MINDY2: variants seen among roughly 807,000 people sequenced by gnomAD.
MINDY2 encodes the protein ubiquitin carboxyl-terminal hydrolase MINDY-2.
Under a neutral mutation model 68.2 loss-of-function variants are expected in MINDY2, and 52 were observed. The ratio of observed to expected loss-of-function variants is 0.76; its 90% CI spans 0.61 to 0.96. The LOEUF (loss-of-function observed/expected upper bound fraction) is 0.96, where lower values mean the gene tolerates loss of function less well. MINDY2 is among the 40% of genes least tolerant of loss of function. The pLI is 0.00. For missense variants in MINDY2, 881 were observed against 773.4 expected (o/e 1.14, Z -1.65); for synonymous variants, 372 against 303.0 (o/e 1.23, Z -2.36).
At chr15:58,834,064 T>C (rs1278581723) in intron 6 of MINDY2, among the ~76,000 whole-genome samples, 1 of 152,180 alleles carries the variant, frequency 6.6e-6, no homozygotes, top group Non-Finnish European at 1.5e-5. Flanking sequence ...TTAACTAGCA[T>C]GCTGCCTTCA....
intron 4 of MINDY2, among the ~76,000 whole-genome samples, chr15:58,812,195 T>C (rs1567056653): frequency 6.6e-6 from 1 of 152,108 alleles, no homozygotes; most frequent in Non-Finnish European, 1.5e-5. Context: ...CCCAGTACTT[T>C]GGGAGGCCGA....
chr15:58,772,474 G>T (rs1345925013), intron 1 of MINDY2, among the ~76,000 whole-genome samples: 2 of 152,020 alleles, frequency 1.3e-5, no homozygotes, highest in African/African-American at 2.4e-5. Context: ...ATTCAATTGT[G>T]GTTGATACAC....
intron 6 of MINDY2, among the ~76,000 whole-genome samples, chr15:58,838,281 C>T (rs1428250274): frequency 1.3e-5 from 2 of 151,918 alleles, no homozygotes; most frequent in Admixed American, 1.3e-4. Flanking sequence ...GCCCGTAATG[C>T]CAGCTACTCA....
At chr15:58,844,359 A>T (rs986901704) in intron 6 of MINDY2, among the ~76,000 whole-genome samples, 4 of 151,080 alleles carry the variant, frequency 2.6e-5, no homozygotes, top group Non-Finnish European at 5.9e-5. Flanking sequence ...CATCCTGGCT[A>T]ACACGGTGAA....
At chr15:58,819,374 G>C (rs1437827061) in intron 4 of MINDY2, among the ~76,000 whole-genome samples, 1 of 152,136 alleles carries the variant, frequency 6.6e-6, no homozygotes, top group Non-Finnish European at 1.5e-5. Flanking sequence ...CTTGAGCCTG[G>C]GAGGTCGAGG....
intron 6 of MINDY2, 110 bp downstream of exon 6, chr15:58,832,026 A>G: frequency 1.0e-6 from 1 of 975,640 alleles, no homozygotes; most frequent in African/African-American, 1.7e-5. Context: ...ATATTTCTTA[A>G]CCATCAAATT....
At chr15:58,825,598 T>G (rs1262936198) in intron 5 of MINDY2, among the ~76,000 whole-genome samples, 5 of 145,740 alleles carry the variant, frequency 3.4e-5, no homozygotes, top group African/African-American at 9.8e-5. Flanking sequence ...TGTGTGGTGT[T>G]TGTTTGTTTG....
chr15:58,841,557 C>A (rs1459961396), intron 6 of MINDY2, among the ~76,000 whole-genome samples: 1 of 151,906 alleles, frequency 6.6e-6, no homozygotes, highest in Non-Finnish European at 1.5e-5. Context: ...AGGTGCATAC[C>A]ACCATGCTTG....
chr15:58,787,861 C>T (rs968349214), intron 1 of MINDY2, 45 bp from the exon 2 acceptor site: 6 of 1,316,550 alleles, frequency 4.6e-6, no homozygotes, highest in Non-Finnish European at 6.4e-6. Flanking sequence ...ATACTTTAGT[C>T]ACCTAAAACA....
At chr15:58,829,700 C>G (rs1218166026) in intron 5 of MINDY2, among the ~76,000 whole-genome samples, 2 of 152,176 alleles carry the variant, frequency 1.3e-5, no homozygotes, top group East Asian at 3.9e-4. Flanking sequence ...CTTTTCAGCA[C>G]AGGCATACCC....
At chr15:58,791,712 A>C (rs1292454959) in intron 2 of MINDY2, among the ~76,000 whole-genome samples, 3 of 150,592 alleles carry the variant, frequency 2.0e-5, no homozygotes, top group Admixed American at 6.7e-5. Context: ...ATTTTATATA[A>C]TATAAATTAA....
At chr15:58,807,516 T>C (rs1432368649) in intron 3 of MINDY2, among the ~76,000 whole-genome samples, 3 of 151,964 alleles carry the variant, frequency 2.0e-5, no homozygotes, top group African/African-American at 7.2e-5. Flanking sequence ...CCCGCCATCA[T>C]GCCTGGCTAA....
In MINDY2 at chr15:58,809,939, C is replaced by T. The variant is rs142154092; in HGVS notation, c.964-291C>T. Among the ~76,000 whole-genome samples the T allele has an allele frequency of 5.2e-4, 79 of 152,108 alleles. 1 individual carries two copies. Among genetic ancestry groups the T allele is most frequent in the Middle Eastern group, 3.4e-3 (1 of 294 alleles). ...GGACTACAGGCGCATGCCACCATGC[C>T]CAGCTAATTTTTGTATTTTCAGAGA... On this transcript the variant is annotated intron_variant, in intron 3 of 8. Coordinates refer to ENST00000559228, the MANE Select transcript of MINDY2 (RefSeq NM_001040450.3).
chr15:58,847,215 G>A, intron 6 of MINDY2, 82 bp from the exon 7 acceptor site: 1 of 1,096,638 alleles, frequency 9.1e-7, no homozygotes, highest in East Asian at 2.5e-5. Flanking sequence ...TGAAGATACA[G>A]ATTGTAAAAC....
At chr15:58,849,245 A>G (rs1317708356) in intron 7 of MINDY2, among the ~76,000 whole-genome samples, 1 of 150,014 alleles carries the variant, frequency 6.7e-6, no homozygotes, top group Non-Finnish European at 1.5e-5. Context: ...GCTCACACCT[A>G]TAGTCGCAGC....
rs1299597512 is a variant in MINDY2 at position 58,810,293 on chromosome 15, T to G, written c.1027T>G (p.Phe343Val). The change falls in exon 4 of 9, where the codon TTC (phenylalanine) becomes GTC (valine). Residue 343 changes from phenylalanine to valine, a missense_variant. Transcript: ENST00000559228. The stretch of plus-strand genomic sequence containing the variant: ...GACAGGCCTGGATGTAAATGTAAGA[T>G]TCACTGGTGTTCGAGTGTTTGAATA... ...LQTGLDVNVR[F>V]TGVRVFEYTP... The G allele has an allele frequency of 6.2e-7, 1 of 1,613,820 alleles. No individual in the cohort carries two copies. Among genetic ancestry groups the G allele is most frequent in the Non-Finnish European group, 8.5e-7 (1 of 1,179,930 alleles).
rs1442444779 is a variant in MINDY2, at chr15:58,810,367, T to C, written c.1101T>C (p.His367=). Residue 367 remains histidine, a synonymous_variant, in exon 4 of 9, where the codon CAT becomes CAC. Transcript: ENST00000559228. The part of the protein sequence containing the change: ...VFDLLDIPLY[H]GWLVDPQIDD... ...ATCTTCTTGATATTCCTTTGTACCATGGGTGGTTAGTAGACCCTCAGGTAA... is the reference window on the plus strand; with the variant it reads ...ATCTTCTTGATATTCCTTTGTACCACGGGTGGTTAGTAGACCCTCAGGTAA... 1 of 1,602,450 alleles carries C rather than the reference T, an allele frequency of 6.2e-7. No individual in the cohort carries two copies. The highest frequency in any genetic ancestry group is 1.3e-5 in the African/African-American group (1 of 74,466).
At chr15:58,837,463 C>G (rs1166744715) in intron 6 of MINDY2, among the ~76,000 whole-genome samples, 1 of 150,278 alleles carries the variant, frequency 6.7e-6, no homozygotes, top group African/African-American at 2.5e-5. Context: ...GTCCCAGTTA[C>G]TAGGGTGGCT....
chr15:58,789,066 G>A (rs551242396), intron 2 of MINDY2, among the ~76,000 whole-genome samples: 10 of 152,004 alleles, frequency 6.6e-5, no homozygotes, highest in South Asian at 6.2e-4. Context: ...GGCCGGGCAC[G>A]GTGGCTCACG....
Sources: allele counts gnomAD v4.1 joint callset (sites outside exome capture counted in the v4.1 genomes callset), GRCh38; gene constraint gnomAD v4.1.1; transcripts MANE v1.5; gene names NCBI Gene and HGNC (gene_info 2026-07-23, HGNC 2026-07-21).